LYG2: variants seen among roughly 807,000 people sequenced by gnomAD.
The protein encoded by LYG2 is lysozyme g-like protein 2.
A neutral mutation model predicts 22.4 loss-of-function variants in LYG2; 25 were observed. That is an observed-to-expected ratio of 1.12 (90% confidence interval 0.81 to 1.56). The LOEUF is 1.56. Ranked by LOEUF, LYG2 falls within the 40% of genes most tolerant of loss-of-function variation. LYG2 has a pLI of 0.00. For synonymous variants in LYG2, 88 were observed against 97.0 expected (o/e 0.91, Z 0.55); for missense variants, 266 against 269.5 (o/e 0.99, Z 0.09).
intron 3 of LYG2, among the ~76,000 whole-genome samples, chr2:99,248,031 G>A (rs553310595): frequency 6.6e-6 from 1 of 152,268 alleles, no homozygotes; most frequent in South Asian, 2.1e-4. Flanking sequence ...ACCACAATGA[G>A]ATACCATCTC....
Position 99,246,775 on chromosome 2 carries a change from T to C in LYG2, c.89A>G (p.His30Arg). Residue 30 changes from histidine (H) to arginine (R), a missense_variant, in exon 4 of 7, where the codon CAC becomes CGC. By Grantham distance (29) the His-to-Arg change is conservative. Transcript: ENST00000333017. ...GCCGTGGTACAGGCGTGGATGTAGG[T>C]GAGGCTTCATTGAGTGACTGAAGGG... ...SYPFSHSMKP[H>R]LHPRLYHGCY... 1 of 1,614,078 alleles carries C rather than the reference T, an allele frequency of 6.2e-7. No individual in the cohort carries two copies. The highest frequency in any genetic ancestry group is 8.5e-7 in the Non-Finnish European group (1 of 1,179,982).
At chr2:99,243,692 GCTT>G in intron 6 of LYG2, 1 of 365,592 alleles carries the variant, frequency 2.7e-6, no homozygotes, top group Non-Finnish European at 4.7e-6. Context: ...ACCATGCCCA[GCTT>G]TTTTTTTTTT....
At chr2:99,250,566 G>A (rs186260370) in intron 3 of LYG2, among the ~76,000 whole-genome samples, 2,857 of 152,172 alleles carry the variant, frequency 0.019, 104 homozygotes, top group African/African-American at 0.065. Flanking sequence ...AGTAGAGGCG[G>A]GGTTTCAGCA....
At chr2:99,246,071 G>A (rs770622138) in intron 4 of LYG2, among the ~76,000 whole-genome samples, 3 of 152,108 alleles carry the variant, frequency 2.0e-5, no homozygotes, top group Non-Finnish European at 4.4e-5. Flanking sequence ...TCATGCCATC[G>A]CACTCCAGCC....
chr2:99,246,044 A>G (rs1320071939), intron 4 of LYG2, among the ~76,000 whole-genome samples: 1 of 152,052 alleles, frequency 6.6e-6, no homozygotes, highest in Non-Finnish European at 1.5e-5. Flanking sequence ...GGAGGTGGAG[A>G]TTGTAGTGAG....
At chr2:99,248,222 C>T (rs1179415830) in intron 3 of LYG2, among the ~76,000 whole-genome samples, 1 of 152,140 alleles carries the variant, frequency 6.6e-6, no homozygotes, top group African/African-American at 2.4e-5. Context: ...CCCTGCCATC[C>T]CATTACTGGG....
chr2:99,242,351 C>T lies in LYG2; in HGVS notation c.*13G>A. 1 of 1,575,608 alleles carries T rather than the reference C, an allele frequency of 6.3e-7. No individual in the cohort carries two copies. Among genetic ancestry groups the T allele is most frequent in the Non-Finnish European group, 8.7e-7 (1 of 1,148,282 alleles). ...GAGCACTCTGCCAACCTGGCCCACCCACAGAGCTTTGCCTAGAAGCTTTGT... is the reference window on the plus strand; with the variant it reads ...GAGCACTCTGCCAACCTGGCCCACCTACAGAGCTTTGCCTAGAAGCTTTGT... On this transcript the variant is annotated 3_prime_UTR_variant, in exon 7 of 7. Coordinates refer to ENST00000333017, the MANE Select transcript of LYG2 (RefSeq NM_175735.4).
rs776472004 is a variant in LYG2, at chr2:99,246,845, A to G, written c.44-25T>C. The G allele has an allele frequency of 2.5e-6, 4 of 1,602,028 alleles. No individual in the cohort carries two copies. The Admixed American group carries it at 5.3e-5, about 21-fold the overall frequency. ...CCTAGGAGGCAGAAGTGTAACTCAC[A>G]TGAATCCTCTGAGAAGATATTACTT... On this transcript the variant is annotated intron_variant, in intron 3 of 6. Coordinates refer to ENST00000333017, the MANE Select transcript of LYG2 (RefSeq NM_175735.4).
chr2:99,249,482 G>T (rs2094022498), intron 3 of LYG2, among the ~76,000 whole-genome samples: 2 of 151,398 alleles, frequency 1.3e-5, no homozygotes, highest in South Asian at 4.2e-4. Flanking sequence ...ATAGAATCTG[G>T]TTGGGCGTGG....
At chr2:99,250,522 C>G (rs553931069) in intron 3 of LYG2, among the ~76,000 whole-genome samples, 1 of 152,106 alleles carries the variant, frequency 6.6e-6, no homozygotes, top group African/African-American at 2.4e-5. Flanking sequence ...CTACAGGCGC[C>G]TGCCATCACA....
intron 4 of LYG2, 84 bp downstream of exon 4, chr2:99,246,595 CT>C: frequency 1.3e-6 from 2 of 1,486,664 alleles, no homozygotes; most frequent in Non-Finnish European, 1.8e-6. Context: ...ATGATTATAC[CT>C]TTTCAAAATT....
intron 6 of LYG2, 198 bp downstream of exon 6, chr2:99,243,801 A>G (rs2094010852): frequency 1.6e-6 from 1 of 628,072 alleles, no homozygotes; most frequent in East Asian, 2.8e-5. Flanking sequence ...ATTCTGCAGA[A>G]GAGGAAATGG....
At chr2:99,258,543 G>T (rs1272235520), upstream of LYG2, among the ~76,000 whole-genome samples, 1 of 152,206 alleles carries the variant, frequency 6.6e-6, no homozygotes, top group African/African-American at 2.4e-5. Context: ...GGACTCTGTA[G>T]CCTGCCTGGT....
At chr2:99,257,168 C>A (rs2094037797), upstream of LYG2, among the ~76,000 whole-genome samples, 2 of 152,222 alleles carry the variant, frequency 1.3e-5, no homozygotes, top group African/African-American at 4.8e-5. Flanking sequence ...AAAAATAACA[C>A]CACTCACAGA....
upstream of LYG2, among the ~76,000 whole-genome samples, chr2:99,259,213 GA>G (rs34539986): frequency 0.82 from 119,664 of 146,190 alleles, 49,110 homozygotes; most frequent in East Asian, 0.95. Flanking sequence ...CAAGAGCAAT[GA>G]AAAAAAAAAA....
rs2105270017 is a variant in LYG2 at position 99,244,118 on chromosome 2, T to G, written c.401A>C (p.His134Pro). Residue 134 changes from histidine to proline, a missense_variant, in exon 6 of 7, where the codon CAC (histidine) becomes CCC (proline). Coordinates refer to ENST00000333017, the MANE Select transcript of LYG2 (RefSeq NM_175735.4). ...TTTGCTATCCCAGGCACCGACAGGG[T>G]GGTACGTTTGTTTATCAAGCTAGAA... Reference protein sequence around the residue: ...GLMQLDKQTYHPVGAWDSKEH... With the variant: ...GLMQLDKQTYPPVGAWDSKEH... The G allele has an allele frequency of 6.2e-7, 1 of 1,613,136 alleles. No individual in the cohort carries two copies. Among genetic ancestry groups the G allele is most frequent in the Non-Finnish European group, 8.5e-7 (1 of 1,179,764 alleles).
At chr2:99,260,515 G>A (rs1043429240), upstream of LYG2, among the ~76,000 whole-genome samples, 2 of 152,102 alleles carry the variant, frequency 1.3e-5, no homozygotes, top group African/African-American at 4.8e-5. Context: ...CACTTACCTA[G>A]AAGTCTGGAT....
At position 99,242,449 on chromosome 2, in the gene LYG2, G is replaced by T. The variant is rs748768765; in HGVS notation, c.554C>A (p.Ala185Glu). ...GLSAFKSGIE[A>E]IATPSDIDND... is the part of the protein sequence containing the mutation. The stretch of plus-strand genomic sequence containing the variant: ...GTCTATGTCCGATGGGGTGGCAATC[G>T]CTTCAATTCCTGACTTAAAAGCTGA... The change falls in exon 7 of 7, where the codon GCG becomes GAG. Residue 185 changes from alanine to glutamate, a missense_variant. Transcript: ENST00000333017. 1.2e-6 allele frequency: 2 copies of T among 1,612,320 alleles called. No individual in the cohort carries two copies. The highest frequency in any genetic ancestry group is 1.3e-5 in the African/African-American group (1 of 74,854).
intron 3 of LYG2, among the ~76,000 whole-genome samples, chr2:99,248,625 C>A: frequency 6.7e-6 from 1 of 149,978 alleles, no homozygotes; most frequent in Non-Finnish European, 1.5e-5. Context: ...GGAGATATAC[C>A]TAATGCTAAA....
Sources: gnomAD v4.1 joint callset for allele counts (sites outside exome capture counted in the v4.1 genomes callset) on GRCh38, gnomAD v4.1.1 for gene constraint, MANE v1.5 for transcripts, NCBI Gene and HGNC (gene_info 2026-07-23, HGNC 2026-07-21) for gene names.